PTPRD: variants seen among roughly 807,000 people sequenced by gnomAD.
PTPRD encodes protein tyrosine phosphatase receptor type D, also known as receptor-type tyrosine-protein phosphatase delta.
In PTPRD, 34 loss-of-function variants were observed where a neutral mutation model predicts 214.5. That is an observed-to-expected ratio of 0.16 (90% CI 0.12 to 0.21). PTPRD has a LOEUF of 0.21. Ranked by LOEUF, PTPRD falls within the 10% of genes least tolerant of loss-of-function variation. PTPRD has a pLI of 1.00. For synonymous variants in PTPRD, 1,128 were observed against 845.7 expected (o/e 1.33, Z -5.79); for missense variants, 2,545 against 2,398.7 (o/e 1.06, Z -1.27).
intron 44 of PTPRD, among the ~76,000 whole-genome samples, chr9:8,324,753 C>T (rs1831906267): frequency 6.6e-6 from 1 of 152,144 alleles, no homozygotes; most frequent in African/African-American, 2.4e-5. Flanking sequence ...CACATCCTCC[C>T]CAGCATCTGT....
At chr9:9,354,826 G>A (rs1238327185) in intron 9 of PTPRD, among the ~76,000 whole-genome samples, 1 of 151,716 alleles carries the variant, frequency 6.6e-6, no homozygotes, top group East Asian at 1.9e-4. Context: ...AAGAAGTGAT[G>A]GAGTTGTGCA....
chr9:9,625,010 C>T (rs1196805642), intron 7 of PTPRD, among the ~76,000 whole-genome samples: 1 of 152,152 alleles, frequency 6.6e-6, no homozygotes, highest in Non-Finnish European at 1.5e-5. Context: ...TACTGATTTA[C>T]AGGGCCAAAA....
intron 12 of PTPRD, among the ~76,000 whole-genome samples, chr9:8,649,480 A>G (rs1481109127): frequency 6.6e-6 from 1 of 152,238 alleles, no homozygotes; most frequent in Non-Finnish European, 1.5e-5. Context: ...AGTAGCTACT[A>G]TATCCCCAAA....
intron 14 of PTPRD, among the ~76,000 whole-genome samples, chr9:8,570,425 C>T (rs1594132685): frequency 6.6e-6 from 1 of 152,116 alleles, no homozygotes. Flanking sequence ...TAATAAGCTT[C>T]CCTTTTCCTT....
intron 2 of PTPRD, among the ~76,000 whole-genome samples, chr9:10,485,713 C>A (rs2099128227): frequency 1.3e-5 from 2 of 151,916 alleles, no homozygotes; most frequent in Admixed American, 1.3e-4. Flanking sequence ...ATATTATATC[C>A]TGAAAATTTA....
At chr9:9,142,381 GT>G (rs1207061015) in intron 10 of PTPRD, among the ~76,000 whole-genome samples, 2 of 152,172 alleles carry the variant, frequency 1.3e-5, no homozygotes, top group Non-Finnish European at 1.5e-5. Context: ...GAGCTTGGGA[GT>G]TTTATTCTTA....
chr9:9,019,240 G>A (rs1355000839), intron 10 of PTPRD, among the ~76,000 whole-genome samples: 1 of 144,208 alleles, frequency 6.9e-6, no homozygotes, highest in African/African-American at 2.6e-5. Context: ...GAATCTACCA[G>A]ACTATGATAA....
At chr9:10,233,748 T>A (rs1395788475) in intron 3 of PTPRD, among the ~76,000 whole-genome samples, 3 of 152,012 alleles carry the variant, frequency 2.0e-5, no homozygotes, top group Admixed American at 2.0e-4. Context: ...ATTTTCATAT[T>A]CAGCTTGGGA....
At chr9:9,275,165 CATATATATA>C (rs1283665141) in intron 9 of PTPRD, among the ~76,000 whole-genome samples, 1 of 37,514 alleles carries the variant, frequency 2.7e-5, no homozygotes, top group Non-Finnish European at 4.2e-5. Context: ...ATATATATAA[CATATATATA>C]ATATATATGT....
At chr9:8,939,349 G>A (rs1335843857) in intron 11 of PTPRD, among the ~76,000 whole-genome samples, 1 of 152,060 alleles carries the variant, frequency 6.6e-6, no homozygotes, top group Non-Finnish European at 1.5e-5. Flanking sequence ...AAGTCTTTTT[G>A]GATTGAGATG....
intron 4 of PTPRD, among the ~76,000 whole-genome samples, chr9:9,948,296 A>T (rs2093042858): frequency 1.3e-5 from 2 of 152,014 alleles, no homozygotes; most frequent in Admixed American, 6.6e-5. Flanking sequence ...CTCAATTTTT[A>T]AAAAATGTGA....
chr9:9,270,778 T>C (rs1318741670), intron 9 of PTPRD, among the ~76,000 whole-genome samples: 1 of 151,354 alleles, frequency 6.6e-6, no homozygotes, highest in African/African-American at 2.4e-5. Context: ...TAGATGATGG[T>C]GTTTGGTCTA....
chr9:8,598,510 A>G (rs934256116), intron 14 of PTPRD, among the ~76,000 whole-genome samples: 5 of 152,164 alleles, frequency 3.3e-5, no homozygotes, highest in African/African-American at 9.7e-5. Flanking sequence ...CCAGCATCTG[A>G]AAAGTATCAA....
chr9:8,949,092 C>T (rs1209053874), intron 11 of PTPRD, among the ~76,000 whole-genome samples: 4 of 151,428 alleles, frequency 2.6e-5, no homozygotes, highest in Non-Finnish European at 5.9e-5. Context: ...GGTGTAGTGG[C>T]GGGCACCTGT....
chr9:10,540,376 G>A (rs1406305755), intron 2 of PTPRD, among the ~76,000 whole-genome samples: 2 of 152,098 alleles, frequency 1.3e-5, no homozygotes, highest in Non-Finnish European at 2.9e-5. Flanking sequence ...GAAATTCTGG[G>A]TTATCAGTCC....
intron 7 of PTPRD, among the ~76,000 whole-genome samples, chr9:9,684,055 T>C (rs2154399199): frequency 6.6e-6 from 1 of 151,748 alleles, no homozygotes; most frequent in East Asian, 1.9e-4. Context: ...GTTTTCACAA[T>C]TTTAAAAGCA....
At chr9:9,175,641 A>AAAAAC (rs2099924330) in intron 10 of PTPRD, among the ~76,000 whole-genome samples, 12 of 140,402 alleles carry the variant, frequency 8.5e-5, no homozygotes, top group Non-Finnish European at 1.4e-4. Flanking sequence ...AAAAAAAAAA[A>AAAAAC]AAAAAAAAAG....
At chr9:10,551,678 T>C (rs1336887387) in intron 2 of PTPRD, among the ~76,000 whole-genome samples, 1 of 152,142 alleles carries the variant, frequency 6.6e-6, no homozygotes, top group Non-Finnish European at 1.5e-5. Flanking sequence ...AGAAATAAAC[T>C]TCTGTTGTTT....
intron 4 of PTPRD, among the ~76,000 whole-genome samples, chr9:9,985,360 A>T (rs2095672222): frequency 6.6e-6 from 1 of 152,200 alleles, no homozygotes; most frequent in South Asian, 2.1e-4. Flanking sequence ...TACACAATAC[A>T]GTTAAGTTTT....
Sources: gnomAD v4.1 joint callset for allele counts (sites outside exome capture counted in the v4.1 genomes callset) on GRCh38, gnomAD v4.1.1 for gene constraint, MANE v1.5 for transcripts, NCBI Gene and HGNC (gene_info 2026-07-23, HGNC 2026-07-21) for gene names.